The following SIK3 variants were observed in gnomAD, a reference collection of about 807,000 sequenced individuals.
SIK3 encodes the protein serine/threonine-protein kinase SIK3.
SIK3 carries 28 observed loss-of-function variants against 144.2 expected under a neutral mutation model. The observed-to-expected ratio is 0.19, with a 90% CI of 0.14 to 0.27. The LOEUF (loss-of-function observed/expected upper bound fraction) is 0.27, where lower values mean the gene tolerates loss of function less well. SIK3 is among the 10% of genes least tolerant of loss of function. The pLI is 1.00. For missense variants in SIK3, 1,319 were observed against 1,776.0 expected, an observed-to-expected ratio of 0.74 and a Z score of 4.62; for synonymous variants, 686 against 676.3, an observed-to-expected ratio of 1.01 and a Z score of -0.22.
At chr11:117,047,822 T>C (rs1487243344) in intron 1 of SIK3, among the ~76,000 whole-genome samples, 1 of 152,294 alleles carries the variant, frequency 6.6e-6, no homozygotes, top group Non-Finnish European at 1.5e-5. Flanking sequence ...TGAAATTAAA[T>C]TGTTTATGAA....
At chr11:116,953,053 C>T (rs1266090257) in intron 3 of SIK3, among the ~76,000 whole-genome samples, 1 of 151,976 alleles carries the variant, frequency 6.6e-6, no homozygotes, top group Non-Finnish European at 1.5e-5. Flanking sequence ...CCTAAAGATA[C>T]TTTGACACAC....
intron 1 of SIK3, among the ~76,000 whole-genome samples, chr11:117,033,536 C>T (rs890742625): frequency 6.6e-6 from 1 of 151,716 alleles, no homozygotes; most frequent in South Asian, 2.1e-4. Context: ...CTCGTCTCTA[C>T]TAAAAATACA....
At chr11:117,052,874 A>G (rs1208705306) in intron 1 of SIK3, among the ~76,000 whole-genome samples, 3 of 152,242 alleles carry the variant, frequency 2.0e-5, no homozygotes, top group Admixed American at 2.0e-4. Context: ...TTCCAGATGC[A>G]TGCTGCTGAC....
chr11:116,875,045 TTAGA>T (rs1944174866), intron 11 of SIK3, 109 bp downstream of exon 11: 2 of 773,556 alleles, frequency 2.6e-6, no homozygotes, highest in Admixed American at 2.3e-5. Context: ...GGCCACTGGA[TTAGA>T]TCTCCTCTGG....
intron 1 of SIK3, among the ~76,000 whole-genome samples, chr11:117,073,020 C>G (rs1954348230): frequency 6.6e-6 from 1 of 152,142 alleles, no homozygotes; most frequent in African/African-American, 2.4e-5. Flanking sequence ...TCTCAGTATA[C>G]TTGGATCCTC....
chr11:117,035,191 TAATAA>T (rs1195756612), intron 1 of SIK3, among the ~76,000 whole-genome samples: 20 of 152,154 alleles, frequency 1.3e-4, no homozygotes, highest in Non-Finnish European at 8.8e-5. Context: ...CCATAAATAT[TAATAA>T]AAGAAGCAGT....
chr11:116,847,367 G>T, intron 23 of SIK3, 109 bp downstream of exon 23: 1 of 1,456,886 alleles, frequency 6.9e-7, no homozygotes. Flanking sequence ...GGATGCTGTG[G>T]CTCTACCTCC....
intron 1 of SIK3, among the ~76,000 whole-genome samples, chr11:117,003,028 A>T (rs1950910238): frequency 6.6e-6 from 1 of 152,258 alleles, no homozygotes; most frequent in Non-Finnish European, 1.5e-5. Flanking sequence ...ACGCCGTGTC[A>T]AGTAAATGCT....
At chr11:116,872,721 TC>T in intron 13 of SIK3, among the ~76,000 whole-genome samples, 1 of 152,360 alleles carries the variant, frequency 6.6e-6, no homozygotes, top group East Asian at 1.9e-4. Flanking sequence ...TTTTCACTGT[TC>T]TAATGTTTCA....
intron 15 of SIK3, 181 bp from the exon 16 acceptor site, chr11:116,863,999 G>C (rs180891145): frequency 2.2e-5 from 12 of 540,450 alleles, no homozygotes; most frequent in Non-Finnish European, 3.2e-5. Flanking sequence ...CCCTTTAGAG[G>C]GCTCCAGGTG....
intron 1 of SIK3, among the ~76,000 whole-genome samples, chr11:117,008,127 CA>C (rs1375806825): frequency 8.1e-6 from 1 of 124,000 alleles, no homozygotes; most frequent in Admixed American, 8.1e-5. Context: ...TTAGACATAT[CA>C]AAAGTCTAAC....
At chr11:117,007,026 T>C (rs1246082870) in intron 1 of SIK3, among the ~76,000 whole-genome samples, 1 of 152,250 alleles carries the variant, frequency 6.6e-6, no homozygotes, top group Non-Finnish European at 1.5e-5. Context: ...AATTCACTAC[T>C]ATCCCATGGT....
At chr11:116,987,869 A>G (rs1217270173) in intron 1 of SIK3, among the ~76,000 whole-genome samples, 1 of 152,212 alleles carries the variant, frequency 6.6e-6, no homozygotes, top group Non-Finnish European at 1.5e-5. Context: ...ACACATGCAA[A>G]TACATGTGAA....
In SIK3 at chr11:117,038,099, T is replaced by C. The variant is rs541106065; in HGVS notation, c.273+60044A>G. ...AATCATTTGCACTAGATAAGTGAAT[T>C]TGCATATCAGACCATATTTTTAAAA... On this transcript the variant is annotated intron_variant, in intron 1 of 24. Coordinates refer to ENST00000445177, the MANE Select transcript of SIK3 (RefSeq NM_001366686.3). 3.9e-5 allele frequency among the ~76,000 whole-genome samples: 6 copies of C among 152,278 alleles called. No homozygotes were observed. In the East Asian group the frequency reaches 1.2e-3, roughly 29 times the overall value.
chr11:117,069,518 A>G (rs900700626), intron 1 of SIK3, among the ~76,000 whole-genome samples: 22 of 152,230 alleles, frequency 1.4e-4, no homozygotes, highest in African/African-American at 4.3e-4. Flanking sequence ...CAATTATCAT[A>G]TAAGTTTTTT....
chr11:117,010,020 C>T (rs1014835969), intron 1 of SIK3, among the ~76,000 whole-genome samples: 1 of 152,154 alleles, frequency 6.6e-6, no homozygotes, highest in Non-Finnish European at 1.5e-5. Context: ...ATTACCAGTT[C>T]ATCCCCAAAG....
chr11:116,951,008 A>G (rs1948909732), intron 3 of SIK3, among the ~76,000 whole-genome samples: 2 of 152,228 alleles, frequency 1.3e-5, no homozygotes, highest in South Asian at 2.1e-4. Flanking sequence ...CCTTGACGGC[A>G]GAAGTTGATC....
chr11:117,094,608 A>C (rs1955389138), intron 1 of SIK3, among the ~76,000 whole-genome samples: 1 of 152,134 alleles, frequency 6.6e-6, no homozygotes, highest in African/African-American at 2.4e-5. Context: ...ACCCTGCCCC[A>C]ATATTTTAAA....
chr11:116,981,894 G>C (rs557493305), intron 1 of SIK3, among the ~76,000 whole-genome samples: 1 of 152,134 alleles, frequency 6.6e-6, no homozygotes, highest in Admixed American at 6.5e-5. Context: ...GATTCTCCCA[G>C]ACACTGGGAA....
Sources: allele counts gnomAD v4.1 joint callset (sites outside exome capture counted in the v4.1 genomes callset), GRCh38; gene constraint gnomAD v4.1.1; transcripts MANE v1.5; gene names NCBI Gene and HGNC (gene_info 2026-07-23, HGNC 2026-07-21).